SLC38A7: variants seen among roughly 807,000 people sequenced by gnomAD.
SLC38A7 encodes the protein solute carrier family 38 member 7.
Under a neutral mutation model 50.1 loss-of-function variants are expected in SLC38A7, and 29 were observed. The ratio of observed to expected loss-of-function variants is 0.58; its 90% CI spans 0.43 to 0.79. The LOEUF is 0.79. Ranked by LOEUF, SLC38A7 falls within the 30% of genes least tolerant of loss-of-function variation. The probability of loss-of-function intolerance (pLI) is 0.00; values close to 1 mark genes in which losing one functional copy is unlikely to be tolerated. For missense variants in SLC38A7, 483 were observed against 610.6 expected (o/e 0.79, Z 2.20); for synonymous variants, 244 against 245.9 (o/e 0.99, Z 0.07).
chr16:58,674,538 T>G (rs1467478534), intron 8 of SLC38A7, among the ~76,000 whole-genome samples: 1 of 152,134 alleles, frequency 6.6e-6, no homozygotes, highest in African/African-American at 2.4e-5. Flanking sequence ...TGGCCTCCCA[T>G]AGCTGAGATT....
rs75896519 is a variant in SLC38A7, at chr16:58,677,438, G to C, written c.612-14C>G. ...ACGCTCAGGAAGCTGCCGGGAAGGA[G>C]AGACTAAGTGTCCTCATCCCCAGCT... is the stretch of plus-strand genomic sequence containing the variant. On this transcript the variant is annotated splice_polypyrimidine_tract_variant and intron_variant, in intron 5 of 11. Transcript: ENST00000219320. 2 of 1,612,290 alleles carry C rather than the reference G, an allele frequency of 1.2e-6. No individual in the cohort carries two copies. The highest frequency in any genetic ancestry group is 1.3e-5 in the African/African-American group (1 of 74,938).
chr16:58,674,916 C>A (rs886136483), intron 8 of SLC38A7, among the ~76,000 whole-genome samples: 2 of 152,084 alleles, frequency 1.3e-5, no homozygotes, highest in African/African-American at 4.8e-5. Flanking sequence ...CCCCGAACCA[C>A]CCCCCTGCTT....
At position 58,680,235 on chromosome 16, in the gene SLC38A7, T is replaced by A; in HGVS notation, c.-109A>T. The A allele has an allele frequency of 8.6e-6, 11 of 1,285,334 alleles. No homozygotes were observed. Among genetic ancestry groups the A allele is most frequent in the Non-Finnish European group, 1.1e-5 (11 of 978,470 alleles). 79.6% of individuals were successfully genotyped at this position (1,285,334 alleles called of 1,614,324 possible). A position where few individuals can be genotyped will look rare whatever the true frequency, so the allele number is the denominator to read the frequency against. On this transcript the variant is annotated 5_prime_UTR_variant, in exon 3 of 12. Coordinates refer to ENST00000219320, the MANE Select transcript of SLC38A7 (RefSeq NM_018231.3). ...TTTGGGGCTGTTAGCTTAGGACTCT[T>A]CTCAACCTAGATGGGACAAAGGCAG...
chr16:58,671,037 G>A lies in SLC38A7; in HGVS notation c.1231+8C>T, dbSNP rs904507298. 4 of 1,579,518 alleles carry A rather than the reference G, an allele frequency of 2.5e-6. No individual in the cohort carries two copies. Among genetic ancestry groups the A allele is most frequent in the Middle Eastern group, 1.7e-4 (1 of 6,050 alleles). ...GGGGCTGTGAGATGGGGCGCCAGGG[G>A]TCCGCACCTGGGAAGACGAAGATGA... On this transcript the variant is annotated splice_region_variant and intron_variant, in intron 10 of 11. Coordinates refer to ENST00000219320, the MANE Select transcript of SLC38A7 (RefSeq NM_018231.3).
chr16:58,669,634 T>C (rs545317573), intron 11 of SLC38A7, among the ~76,000 whole-genome samples: 1 of 147,922 alleles, frequency 6.8e-6, no homozygotes, highest in Non-Finnish European at 1.5e-5. Flanking sequence ...GTTTAAATTG[T>C]TAACAACTAG....
chr16:58,677,527 C>G, intron 5 of SLC38A7, 103 bp from the exon 6 acceptor site: 1 of 950,550 alleles, frequency 1.1e-6, no homozygotes, highest in Non-Finnish European at 1.7e-6. Flanking sequence ...CAAGTGTCCA[C>G]TGAATGAACC....
At chr16:58,681,543 G>A (rs1263950393) in intron 2 of SLC38A7, 1 of 152,064 alleles carries the variant, frequency 6.6e-6, no homozygotes, top group Admixed American at 6.5e-5. Context: ...GAGAAATGAT[G>A]GTCCTAAAGC....
chr16:58,667,018 C>G lies in SLC38A7; in HGVS notation c.*367G>C, dbSNP rs143050050. 3.2e-3 allele frequency: 1,000 copies of G among 311,096 alleles called. 8 individuals carry two copies. Among genetic ancestry groups the G allele is most frequent in the East Asian group, 9.3e-3 (162 of 17,336 alleles). 19.3% of individuals were successfully genotyped at this position (311,096 alleles called of 1,614,324 possible). On this transcript the variant is annotated 3_prime_UTR_variant, in exon 12 of 12. Transcript: ENST00000219320. ...CAGGGTGCTCTGTGGAGGATGGTGG[C>G]CTTCTGTCCATAGTCATTCTCCAGA...
At chr16:58,670,061 C>T (rs1036345889) in intron 11 of SLC38A7, 52 bp downstream of exon 11, 29 of 1,570,244 alleles carry the variant, frequency 1.8e-5, no homozygotes, top group South Asian at 1.6e-4. Flanking sequence ...CACAAAGCCA[C>T]ATTCCAATCC....
In SLC38A7 at chr16:58,667,484, C is replaced by A. The variant is rs747957513; in HGVS notation, c.1290G>T (p.Trp430Cys). 1 of 1,608,326 alleles carries A rather than the reference C, an allele frequency of 6.2e-7. No individual in the cohort carries two copies. Among genetic ancestry groups the A allele is most frequent in the South Asian group, 1.1e-5 (1 of 90,186 alleles). ...SEMEEVKPASWWVLVSYGVLL... is the reference protein window; with the variant it reads ...SEMEEVKPASCWVLVSYGVLL... ...GGACTCCGTAGCTGACCAGCACCCA[C>A]CAGCTGTAGAACAGAGGGTGAGAGA... is the stretch of plus-strand genomic sequence containing the variant. Residue 430 changes from tryptophan (W) to cysteine (C), a missense_variant, in exon 12 of 12, where the codon TGG becomes TGT. Trp to Cys is a radical substitution (Grantham distance 215). Coordinates refer to ENST00000219320, the MANE Select transcript of SLC38A7 (RefSeq NM_018231.3).
At chr16:58,675,277 CAGG>C (rs1567471953) in intron 8 of SLC38A7, 2 of 407,086 alleles carry the variant, frequency 4.9e-6, no homozygotes, top group South Asian at 3.7e-5. Flanking sequence ...GAGGCCGAGG[CAGG>C]AGAATTGCTT....
Position 58,672,235 on chromosome 16 carries a change from C to T in SLC38A7, c.892G>A (p.Gly298Ser). ...ACAGCAGCTCCAAAGGTCAGGAAGC[C>T]ACAGATGCCTGTGGGCAGGGACAAC... ...LAVYMGTGIC[G>S]FLTFGAAVDP... Residue 298 changes from glycine (G) to serine (S), a missense_variant, in exon 9 of 12, where the codon GGC becomes AGC. Physicochemically the swap from Gly to Ser is moderately conservative, Grantham distance 56. Transcript: ENST00000219320. The T allele has an allele frequency of 6.3e-6, 10 of 1,582,660 alleles. No homozygotes were observed. Among genetic ancestry groups the T allele is most frequent in the Non-Finnish European group, 8.6e-6 (10 of 1,164,252 alleles).
chr16:58,679,202 G>A (rs370470637), intron 3 of SLC38A7, among the ~76,000 whole-genome samples: 2 of 152,024 alleles, frequency 1.3e-5, no homozygotes, highest in African/African-American at 2.4e-5. Flanking sequence ...GACCAGCCTG[G>A]CCAACATGGT....
Position 58,679,638 on chromosome 16 carries a change from G to A in SLC38A7, c.270+219C>T. 5.2e-6 allele frequency: 3 copies of A among 579,940 alleles called. 1 individual carries two copies. The highest frequency in any genetic ancestry group is 4.9e-5 in the South Asian group (2 of 40,780). 35.9% of individuals were successfully genotyped at this position (579,940 alleles called of 1,614,324 possible). ...ATGTTACACCTAAAAAATTAGAGAT[G>A]TAATTGATGTTCAAATTTCTCTGAT... On this transcript the variant is annotated intron_variant, in intron 3 of 11. Transcript: ENST00000219320.
At chr16:58,667,595 G>T in intron 11 of SLC38A7, 108 bp from the exon 12 acceptor site, 1 of 833,570 alleles carries the variant, frequency 1.2e-6, no homozygotes, top group Non-Finnish European at 1.8e-6. Context: ...TCTCCTGTTG[G>T]TAGAGCACTT....
At chr16:58,679,528 A>C (rs958657910) in intron 3 of SLC38A7, 2 of 518,408 alleles carry the variant, frequency 3.9e-6, no homozygotes, top group African/African-American at 1.9e-5. Flanking sequence ...AGCCAATATA[A>C]GCTATCATAT....
At chr16:58,682,438 T>C (rs931332888) in intron 2 of SLC38A7, among the ~76,000 whole-genome samples, 2 of 152,060 alleles carry the variant, frequency 1.3e-5, no homozygotes, top group Non-Finnish European at 2.9e-5. Context: ...AACTCCATTT[T>C]AATCTCTACT....
intron 11 of SLC38A7, among the ~76,000 whole-genome samples, 194 bp from the exon 12 acceptor site, chr16:58,667,681 C>A (rs928965451): frequency 6.6e-6 from 1 of 152,024 alleles, no homozygotes; most frequent in Non-Finnish European, 1.5e-5. Flanking sequence ...GTAAGAAGAC[C>A]AAGATCTAAT....
At chr16:58,674,124 G>A (rs8046464) in intron 8 of SLC38A7, among the ~76,000 whole-genome samples, 2 of 151,884 alleles carry the variant, frequency 1.3e-5, no homozygotes, top group Non-Finnish European at 2.9e-5. Context: ...CATGCCTGGC[G>A]GACGCCCAGC....
Sources: allele counts gnomAD v4.1 joint callset (sites outside exome capture counted in the v4.1 genomes callset), GRCh38; gene constraint gnomAD v4.1.1; transcripts MANE v1.5; gene names NCBI Gene and HGNC (gene_info 2026-07-23, HGNC 2026-07-21).